CWC27: variants seen among roughly 807,000 people sequenced by gnomAD.
CWC27 encodes spliceosome-associated protein CWC27 homolog.
In CWC27, 47 loss-of-function variants were observed where a neutral mutation model predicts 63.6. That is an observed-to-expected ratio of 0.74 (90% CI 0.58 to 0.94). CWC27 has a LOEUF of 0.94. Ranked by LOEUF, CWC27 falls within the 40% of genes least tolerant of loss-of-function variation. The pLI, the probability that CWC27 is intolerant of heterozygous loss-of-function variation, is 0.00. For missense variants in CWC27, 495 were observed against 554.3 expected (o/e 0.89, Z 1.07); for synonymous variants, 175 against 179.8 (o/e 0.97, Z 0.22).
At chr5:64,822,779 A>C (rs550956993) in intron 10 of CWC27, among the ~76,000 whole-genome samples, 1 of 152,248 alleles carries the variant, frequency 6.6e-6, no homozygotes, top group South Asian at 2.1e-4. Context: ...ATTAATATTG[A>C]ATTTCTGCAT....
chr5:64,855,442 A>G (rs1746229406), intron 10 of CWC27, among the ~76,000 whole-genome samples: 1 of 152,158 alleles, frequency 6.6e-6, no homozygotes. Context: ...AGATTCAGTG[A>G]GTTCTATGTT....
chr5:64,970,958 AGTGTGTGTGTGTGT>A (rs57958257), intron 11 of CWC27, among the ~76,000 whole-genome samples: 1,658 of 143,510 alleles, frequency 0.012, 15 homozygotes, highest in Non-Finnish European at 0.016. Context: ...AGAGAGAGGG[AGTGTGTGTGTGTGT>A]GTGTGTGTGT....
At chr5:64,785,281 A>G (rs1186148364) in intron 4 of CWC27, among the ~76,000 whole-genome samples, 200 bp from the exon 5 acceptor site, 2 of 152,136 alleles carry the variant, frequency 1.3e-5, no homozygotes, top group Non-Finnish European at 2.9e-5. Context: ...TTTCCAAAAA[A>G]CTTATTGGGG....
chr5:64,822,595 T>A (rs1345459588), intron 10 of CWC27, among the ~76,000 whole-genome samples: 1 of 152,146 alleles, frequency 6.6e-6, no homozygotes, highest in African/African-American at 2.4e-5. Context: ...TAGTTGGAAA[T>A]AAAGCTGGAA....
In CWC27 at chr5:64,948,086, G is replaced by A. The variant is rs1483513059; in HGVS notation, c.1043-23617G>A. Among the ~76,000 whole-genome samples the A allele has an allele frequency of 2.0e-5, 3 of 151,900 alleles. No homozygotes were observed. In the East Asian group the frequency reaches 5.8e-4, roughly 29 times the overall value. ...TATCCTGCTGCCCTGGACCATTTGTGAGCCATTAAAAATCTTTTATCCTGT... is the reference window on the plus strand; with the variant it reads ...TATCCTGCTGCCCTGGACCATTTGTAAGCCATTAAAAATCTTTTATCCTGT... On this transcript the variant is annotated intron_variant, in intron 11 of 13. Transcript: ENST00000381070.
At chr5:64,823,507 T>C (rs957071364) in intron 10 of CWC27, among the ~76,000 whole-genome samples, 1 of 152,204 alleles carries the variant, frequency 6.6e-6, no homozygotes, top group Non-Finnish European at 1.5e-5. Flanking sequence ...AATTAGTAGC[T>C]ATTATCCTTC....
Position 64,783,863 on chromosome 5 carries a change from A to G in CWC27, c.280A>G (p.Asn94Asp). 6.3e-7 allele frequency: 1 copy of G among 1,586,476 alleles called. No homozygotes were observed. Among genetic ancestry groups the G allele is most frequent in the Non-Finnish European group, 8.5e-7 (1 of 1,169,940 alleles). The change falls in exon 4 of 14, where the codon AAT becomes GAT. Residue 94 changes from asparagine (N) to aspartate (D), a missense_variant. Physicochemically the swap from Asn to Asp is conservative, Grantham distance 23. This residue lies in a region of CWC27 where 463 missense variants were observed against 498.1 expected (regional missense o/e 0.93). Transcript: ENST00000381070. ...TGAATTTCATTCACGGTTGCGTTTT[A>G]ATCGGAGAGGACTGGTTGCCATGGC... ...KDEFHSRLRF[N>D]RRGLVAMANA...
chr5:64,977,621 C>A (rs2968203), intron 13 of CWC27, among the ~76,000 whole-genome samples: 133,118 of 152,176 alleles, frequency 0.87, 58,407 homozygotes, highest in African/African-American at 0.95. Context: ...TCCCACAAAC[C>A]TTTTAGAACT....
At chr5:64,816,489 G>A (rs949938592) in intron 10 of CWC27, among the ~76,000 whole-genome samples, 5 of 152,110 alleles carry the variant, frequency 3.3e-5, no homozygotes, top group African/African-American at 9.7e-5. Flanking sequence ...TTTTTTAAAG[G>A]AAGGAAGAAA....
intron 10 of CWC27, among the ~76,000 whole-genome samples, chr5:64,856,527 G>T (rs1373095628): frequency 1.3e-5 from 2 of 151,526 alleles, no homozygotes; most frequent in East Asian, 1.9e-4. Flanking sequence ...ACTTATAATA[G>T]TTTAGCCTTT....
At chr5:64,784,323 CA>C (rs1219243802) in intron 4 of CWC27, among the ~76,000 whole-genome samples, 1 of 152,082 alleles carries the variant, frequency 6.6e-6, no homozygotes, top group Non-Finnish European at 1.5e-5. Flanking sequence ...TAGTAGTTTA[CA>C]GTTTATTTTC....
chr5:64,889,653 C>T (rs1041716434), intron 11 of CWC27, among the ~76,000 whole-genome samples: 19 of 151,932 alleles, frequency 1.3e-4, no homozygotes, highest in African/African-American at 4.4e-4. Context: ...AGGCCGGGCG[C>T]GGTGGCTCAC....
chr5:64,932,815 C>T (rs954601169), intron 11 of CWC27, among the ~76,000 whole-genome samples: 1 of 152,140 alleles, frequency 6.6e-6, no homozygotes, highest in Non-Finnish European at 1.5e-5. Flanking sequence ...ATTCTAGTTC[C>T]AGGTTTGTAT....
chr5:64,859,032 A>C (rs1157417890), intron 10 of CWC27, among the ~76,000 whole-genome samples: 1 of 152,226 alleles, frequency 6.6e-6, no homozygotes, highest in Non-Finnish European at 1.5e-5. Context: ...ATTATTGGAA[A>C]TGTTTATGGA....
chr5:64,901,514 ATC>A (rs1561149153), intron 11 of CWC27, among the ~76,000 whole-genome samples: 1 of 151,988 alleles, frequency 6.6e-6, no homozygotes, highest in Non-Finnish European at 1.5e-5. Flanking sequence ...ATAGGCACTT[ATC>A]ATGAATGGAG....
intron 11 of CWC27, among the ~76,000 whole-genome samples, chr5:64,909,363 T>C (rs1747735419): frequency 6.6e-6 from 1 of 152,142 alleles, no homozygotes; most frequent in African/African-American, 2.4e-5. Flanking sequence ...TGGCTGCCCT[T>C]AACATTTTTT....
intron 10 of CWC27, among the ~76,000 whole-genome samples, chr5:64,874,673 C>CA (rs748182339): frequency 5.9e-5 from 9 of 152,050 alleles, no homozygotes; most frequent in African/African-American, 2.2e-4. Context: ...ACCAGTAACT[C>CA]AGAGTGTTCA....
intron 10 of CWC27, among the ~76,000 whole-genome samples, chr5:64,823,684 T>G (rs930026424): frequency 6.6e-6 from 1 of 152,190 alleles, no homozygotes; most frequent in African/African-American, 2.4e-5. Flanking sequence ...GACTGAGCAC[T>G]CTAAATACAT....
chr5:64,892,995 T>C (rs1158554056), intron 11 of CWC27, among the ~76,000 whole-genome samples: 1 of 152,224 alleles, frequency 6.6e-6, no homozygotes, highest in African/African-American at 2.4e-5. Context: ...GGAGCCTACA[T>C]TGAAATAATT....
Sources: gnomAD v4.1 joint callset for allele counts (sites outside exome capture counted in the v4.1 genomes callset) on GRCh38, gnomAD v4.1.1 for gene constraint, gnomAD v4.1.1 regional missense constraint, MANE v1.5 for transcripts, NCBI Gene and HGNC (gene_info 2026-07-23, HGNC 2026-07-21) for gene names.